Variants in CUBN observed in about 807,000 individuals in gnomAD.
CUBN encodes cubilin.
Under a neutral mutation model 405.3 loss-of-function variants are expected in CUBN, and 282 were observed. That is an observed-to-expected ratio of 0.70 (90% CI 0.63 to 0.77). The LOEUF (loss-of-function observed/expected upper bound fraction) is 0.77, where lower values mean the gene tolerates loss of function less well. CUBN is among the 30% of genes least tolerant of loss of function. The pLI, the probability that CUBN is intolerant of heterozygous loss-of-function variation, is 0.00. For synonymous variants in CUBN, 1,684 were observed against 1,617.0 expected (o/e 1.04, Z -0.99); for missense variants, 4,514 against 4,475.2 (o/e 1.01, Z -0.25).
At chr10:16,926,543 T>C (rs111263197) in intron 41 of CUBN, among the ~76,000 whole-genome samples, 20,931 of 151,530 alleles carry the variant, frequency 0.14, 1,483 homozygotes, top group South Asian at 0.18. Flanking sequence ...GGAGAGATGA[T>C]AGGTGCACGG....
At chr10:16,915,774 A>T (rs1841865132) in intron 46 of CUBN, 47 bp downstream of exon 46, 1 of 1,481,820 alleles carries the variant, frequency 6.7e-7, no homozygotes, top group Non-Finnish European at 9.4e-7. Flanking sequence ...CTGAATAAGT[A>T]CATGTGAAAA....
At position 16,876,236 on chromosome 10, in the gene CUBN, T is replaced by C. The variant is rs79437078; in HGVS notation, c.9106+661A>G. On this transcript the variant is annotated intron_variant, in intron 57 of 66. Transcript: ENST00000377833. ...GACTGCAGCTGAGATGTCTATTAGA[T>C]AGTGCATAAATATTGTCAGCAAACT... Among the ~76,000 whole-genome samples the C allele has an allele frequency of 1.7e-3, 254 of 152,280 alleles. 1 individual carries two copies. Among genetic ancestry groups the C allele is most frequent in the Non-Finnish European group, 3.2e-3 (221 of 68,022 alleles).
chr10:16,824,465 C>G lies in CUBN; in HGVS notation c.*510G>C, dbSNP rs544274248. 4 of 161,904 alleles carry G rather than the reference C, an allele frequency of 2.5e-5. No homozygotes were observed. The highest frequency in any genetic ancestry group is 9.6e-5 in the African/African-American group (4 of 41,586). 10.0% of individuals were successfully genotyped at this position (161,904 alleles called of 1,614,324 possible). On this transcript the variant is annotated 3_prime_UTR_variant, in exon 67 of 67. Transcript: ENST00000377833. ...ATTAGAATGAAATGCACACTCAAGACTAAAGAAGCTATATTCTATGTTCGA... is the reference window on the plus strand; with the variant it reads ...ATTAGAATGAAATGCACACTCAAGAGTAAAGAAGCTATATTCTATGTTCGA...
At chr10:16,900,548 G>A (rs1841327767) in intron 53 of CUBN, 77 bp downstream of exon 53, 2 of 1,124,214 alleles carry the variant, frequency 1.8e-6, no homozygotes, top group Non-Finnish European at 2.7e-6. Context: ...TGTAAAGTAG[G>A]TACAAAATGT....
At chr10:16,871,682 A>G (rs915625850) in intron 58 of CUBN, among the ~76,000 whole-genome samples, 4 of 152,206 alleles carry the variant, frequency 2.6e-5, no homozygotes, top group Non-Finnish European at 5.9e-5. Context: ...TTTATTTTTC[A>G]CAAAAAGAAT....
intron 27 of CUBN, among the ~76,000 whole-genome samples, chr10:17,022,993 G>A (rs7897550): frequency 0.24 from 37,056 of 152,188 alleles, 5,207 homozygotes; most frequent in East Asian, 0.42. Context: ...GCATGTTGCG[G>A]AATTATATTT....
intron 27 of CUBN, among the ~76,000 whole-genome samples, chr10:17,026,872 G>T (rs901452862): frequency 2.0e-5 from 3 of 152,158 alleles, no homozygotes; most frequent in Non-Finnish European, 4.4e-5. Context: ...CCCTGACATA[G>T]GCACAGAAAA....
intron 60 of CUBN, among the ~76,000 whole-genome samples, chr10:16,847,323 G>A (rs1284277027): frequency 1.3e-5 from 2 of 151,868 alleles, no homozygotes; most frequent in African/African-American, 4.8e-5. Context: ...GTGGTGGCGG[G>A]CGCCTGTAGT....
At chr10:16,877,211 A>G in intron 56 of CUBN, 114 bp from the exon 57 acceptor site, 1 of 910,274 alleles carries the variant, frequency 1.1e-6, no homozygotes, top group African/African-American at 1.7e-5. Context: ...TAAAAATTAA[A>G]ATGAGAAACG....
chr10:16,898,968 C>T lies in CUBN; in HGVS notation c.8598+28G>A, dbSNP rs922617362. ...ACTAATGTTCACAAAACCAACTTGG[C>T]TCCAATTAAATGAACAAGTGTACTA... On this transcript the variant is annotated intron_variant, in intron 54 of 66. Coordinates refer to ENST00000377833, the MANE Select transcript of CUBN (RefSeq NM_001081.4). 9.8e-6 allele frequency: 15 copies of T among 1,536,264 alleles called. No homozygotes were observed. In the East Asian group the frequency reaches 1.1e-4, roughly 12 times the overall value.
In CUBN at chr10:16,997,586, T is replaced by C. The variant is rs371545678; in HGVS notation, c.4169-7071A>G. 5.9e-5 allele frequency among the ~76,000 whole-genome samples: 9 copies of C among 152,138 alleles called. No individual in the cohort carries two copies. In the East Asian group the frequency reaches 1.7e-3, roughly 29 times the overall value. On this transcript the variant is annotated intron_variant, in intron 28 of 66. Coordinates refer to ENST00000377833, the MANE Select transcript of CUBN (RefSeq NM_001081.4). ...CCCAACCCAAGGCAAAGTGAACTATTTCCTGGAGTGAGTATACAGGCCTCA... is the reference window on the plus strand; with the variant it reads ...CCCAACCCAAGGCAAAGTGAACTATCTCCTGGAGTGAGTATACAGGCCTCA...
At chr10:17,000,785 A>T (rs556066105) in intron 28 of CUBN, among the ~76,000 whole-genome samples, 2 of 152,340 alleles carry the variant, frequency 1.3e-5, no homozygotes, top group South Asian at 4.1e-4. Context: ...ACATCACTTA[A>T]CTTGTCTCAG....
intron 26 of CUBN, 26 bp downstream of exon 26, chr10:17,043,801 C>T: frequency 6.2e-7 from 1 of 1,611,258 alleles, no homozygotes; most frequent in Non-Finnish European, 8.5e-7. Flanking sequence ...AGTATACACA[C>T]TTACTCTGCC....
rs758557780 is a variant in CUBN at position 16,906,406 on chromosome 10, C to T, written c.7709G>A (p.Cys2570Tyr). ...ASYTSSEDAV[C>Y]GGSLPNTPEG... ...AGGAGTATTTGGAAGAGACCCACCA[C>T]ACACTAAGAAAACAGAAGGCAACAG... Residue 2570 changes from cysteine (C) to tyrosine (Y), a missense_variant, in exon 50 of 67, where the codon TGT becomes TAT. Coordinates refer to ENST00000377833, the MANE Select transcript of CUBN (RefSeq NM_001081.4). 6.2e-7 allele frequency: 1 copy of T among 1,611,028 alleles called. No individual in the cohort carries two copies. Among genetic ancestry groups the T allele is most frequent in the South Asian group, 1.1e-5 (1 of 91,012 alleles).
At chr10:16,847,615 C>A in intron 60 of CUBN, among the ~76,000 whole-genome samples, 1 of 152,212 alleles carries the variant, frequency 6.6e-6, no homozygotes, top group East Asian at 1.9e-4. Flanking sequence ...GTCTTTAACT[C>A]TCTACATCTC....
chr10:16,872,068 T>C (rs748003759), intron 58 of CUBN, among the ~76,000 whole-genome samples: 17 of 151,590 alleles, frequency 1.1e-4, no homozygotes, highest in Non-Finnish European at 2.2e-4. Flanking sequence ...CTACTAAATA[T>C]ATATATATAT....
intron 48 of CUBN, among the ~76,000 whole-genome samples, chr10:16,913,346 T>C (rs549608569): frequency 2.0e-5 from 3 of 152,310 alleles, no homozygotes; most frequent in East Asian, 3.9e-4. Flanking sequence ...TGAAGACACA[T>C]GTGAAACCAC....
At chr10:16,899,570 A>C (rs372230231) in intron 53 of CUBN, among the ~76,000 whole-genome samples, 1 of 152,324 alleles carries the variant, frequency 6.6e-6, no homozygotes, top group East Asian at 1.9e-4. Flanking sequence ...ATATTACTCT[A>C]CACTCCATTT....
At position 17,019,911 on chromosome 10, in the gene CUBN, A is replaced by C; in HGVS notation, c.4090T>G (p.Ser1364Ala). The stretch of plus-strand genomic sequence containing the variant: ...GTAAGGAGCAGCACTTGAAGCTTGG[A>C]GCTTGTAGTACTCCCTGGAGGGGGC... ...DLPPPGSTTS[S>A]KLQVLLLTDG... The change falls in exon 28 of 67, where the codon TCC becomes GCC. Residue 1364 changes from serine to alanine, a missense_variant. Physicochemically the swap from Ser to Ala is moderately conservative, Grantham distance 99 (BLOSUM62 1). Coordinates refer to ENST00000377833, the MANE Select transcript of CUBN (RefSeq NM_001081.4). 1 of 1,614,154 alleles carries C rather than the reference A, an allele frequency of 6.2e-7. No homozygotes were observed. The highest frequency in any genetic ancestry group is 8.5e-7 in the Non-Finnish European group (1 of 1,180,002).
Sources: allele counts gnomAD v4.1 joint callset (sites outside exome capture counted in the v4.1 genomes callset), GRCh38; gene constraint gnomAD v4.1.1; transcripts MANE v1.5; gene names NCBI Gene and HGNC (gene_info 2026-07-23, HGNC 2026-07-21).